ADAMTS16: variants seen among roughly 807,000 people sequenced by gnomAD.
ADAMTS16 encodes the protein A disintegrin and metalloproteinase with thrombospondin motifs 16.
Under a neutral mutation model 145.8 loss-of-function variants are expected in ADAMTS16, and 94 were observed. The ratio of observed to expected loss-of-function variants is 0.64; its 90% CI spans 0.55 to 0.77. ADAMTS16 has a LOEUF of 0.77. Among genes scored for constraint, ADAMTS16 ranks in the 30% least tolerant of loss-of-function variants. The pLI, the probability that ADAMTS16 is intolerant of heterozygous loss-of-function variation, is 0.00. For missense variants in ADAMTS16, 1,585 were observed against 1,591.5 expected, an observed-to-expected ratio of 1.00 and a Z score of 0.07; for synonymous variants, 659 against 604.3, an observed-to-expected ratio of 1.09 and a Z score of -1.33.
chr5:5,291,556 A>G (rs941646338), intron 18 of ADAMTS16, among the ~76,000 whole-genome samples: 2 of 152,168 alleles, frequency 1.3e-5, no homozygotes, highest in South Asian at 2.1e-4. Flanking sequence ...GAATGGAGAC[A>G]TTGGTGTCCC....
rs899063415 is a variant in ADAMTS16, at chr5:5,269,722, T to C, written c.2789+6939T>C. ...GGTTCCTGTTGTTTTTCTGGCTGGG[T>C]CTCCTCTGCCTCCACCTCTCTACGC... On this transcript the variant is annotated intron_variant, in intron 18 of 22. Coordinates refer to ENST00000274181, the MANE Select transcript of ADAMTS16 (RefSeq NM_139056.4). The surrounding 1 kb of genome is among the most constrained non-coding windows in gnomAD (Gnocchi z 4.3). 6.6e-6 allele frequency among the ~76,000 whole-genome samples: 1 copy of C among 152,122 alleles called. No homozygotes were observed. The highest frequency in any genetic ancestry group is 2.4e-5 in the African/African-American group (1 of 41,420).
intron 17 of ADAMTS16, among the ~76,000 whole-genome samples, chr5:5,247,365 G>A (rs908235335): frequency 2.7e-5 from 4 of 148,882 alleles, no homozygotes; most frequent in East Asian, 2.1e-4. Flanking sequence ...CCCGCCCCCC[G>A]ATCCCAACCC....
At position 5,235,248 on chromosome 5, in the gene ADAMTS16, A is replaced by C. The variant is rs1737068716; in HGVS notation, c.2023+62A>C. On this transcript the variant is annotated intron_variant, in intron 13 of 22. Transcript: ENST00000274181. ...CTTTACTACCTTTACTTTTTAAAGA[A>C]GTACATGATTGAGAGTGTGGTGCAC... 47 of 1,414,318 alleles carry C rather than the reference A, an allele frequency of 3.3e-5. 2 individuals carry two copies. The South Asian group carries it at 7.3e-4, about 22-fold the overall frequency. 87.6% of individuals were successfully genotyped at this position (1,414,318 alleles called of 1,614,324 possible). A position where few individuals can be genotyped will look rare whatever the true frequency, so the allele number is the denominator to read the frequency against.
chr5:5,151,363 C>T (rs868263117), intron 3 of ADAMTS16, among the ~76,000 whole-genome samples: 17 of 151,768 alleles, frequency 1.1e-4, no homozygotes, highest in African/African-American at 3.9e-4. Flanking sequence ...CTCAGCCTCC[C>T]GAGTACCTGG....
intron 9 of ADAMTS16, among the ~76,000 whole-genome samples, chr5:5,207,539 C>T (rs2126310543): frequency 6.6e-6 from 1 of 152,062 alleles, no homozygotes; most frequent in East Asian, 1.9e-4. Flanking sequence ...AATATTCTTG[C>T]TTTATTGCAC....
intron 3 of ADAMTS16, among the ~76,000 whole-genome samples, chr5:5,174,604 T>G (rs529950064): frequency 2.6e-4 from 39 of 152,342 alleles, no homozygotes; most frequent in African/African-American, 8.9e-4. Flanking sequence ...GAAACAATTT[T>G]CTAGATCTTG....
chr5:5,165,903 T>C (rs2126533765), intron 3 of ADAMTS16, among the ~76,000 whole-genome samples: 1 of 152,306 alleles, frequency 6.6e-6, no homozygotes, highest in African/African-American at 2.4e-5. Context: ...CGCCTGCCAG[T>C]GTGGCCGCCT....
At chr5:5,307,593 A>G (rs1740232062) in intron 21 of ADAMTS16, among the ~76,000 whole-genome samples, 1 of 152,186 alleles carries the variant, frequency 6.6e-6, no homozygotes, top group South Asian at 2.1e-4. Flanking sequence ...TGGGTGCCAC[A>G]GTGGAATGGA....
At chr5:5,301,070 TG>T (rs1472526363) in intron 18 of ADAMTS16, among the ~76,000 whole-genome samples, 1 of 152,192 alleles carries the variant, frequency 6.6e-6, no homozygotes, top group African/African-American at 2.4e-5. Context: ...ATTTATTTAT[TG>T]TATTGTATTC....
At chr5:5,226,951 A>T (rs771312733) in intron 11 of ADAMTS16, among the ~76,000 whole-genome samples, 32 of 152,316 alleles carry the variant, frequency 2.1e-4, no homozygotes, top group Middle Eastern at 3.4e-3. Context: ...TGCGTATCTG[A>T]TGGATTCTAG....
At chr5:5,202,638 T>C (rs770798308) in intron 9 of ADAMTS16, among the ~76,000 whole-genome samples, 8 of 152,220 alleles carry the variant, frequency 5.3e-5, no homozygotes, top group Non-Finnish European at 1.2e-4. Flanking sequence ...CAAGGAAAAT[T>C]CGGAGTTTTC....
At chr5:5,307,006 A>G (rs769519769) in intron 21 of ADAMTS16, among the ~76,000 whole-genome samples, 12 of 152,190 alleles carry the variant, frequency 7.9e-5, no homozygotes, top group Non-Finnish European at 1.8e-4. Flanking sequence ...TGCCTTGGGT[A>G]AAATCTGGGC....
chr5:5,311,502 C>T (rs957212369), intron 21 of ADAMTS16, among the ~76,000 whole-genome samples: 11 of 151,518 alleles, frequency 7.3e-5, no homozygotes, highest in Non-Finnish European at 1.5e-4. Flanking sequence ...GCTGGAGCTC[C>T]GGGTGTGCAT....
intron 3 of ADAMTS16, among the ~76,000 whole-genome samples, chr5:5,157,054 C>T (rs552270797): frequency 6.6e-6 from 1 of 152,160 alleles, no homozygotes; most frequent in East Asian, 1.9e-4. Flanking sequence ...AAAATAATAA[C>T]ATCCATCATT....
At chr5:5,209,034 G>C in intron 9 of ADAMTS16, 59 bp from the exon 10 acceptor site, 1 of 1,539,114 alleles carries the variant, frequency 6.5e-7, no homozygotes, top group South Asian at 1.3e-5. Context: ...ATAATTAGTT[G>C]TAAGTCCTTT....
At chr5:5,306,757 T>C (rs767847017) in intron 21 of ADAMTS16, 29 bp downstream of exon 21, 1 of 1,563,386 alleles carries the variant, frequency 6.4e-7, no homozygotes, top group African/African-American at 1.4e-5. Context: ...TCCTGGAGAG[T>C]GGGCGAGCAC....
chr5:5,234,236 TG>T (rs1387751415), intron 12 of ADAMTS16, among the ~76,000 whole-genome samples: 1 of 152,254 alleles, frequency 6.6e-6, no homozygotes, highest in Non-Finnish European at 1.5e-5. Flanking sequence ...CAAAGGTGAC[TG>T]GTTCTTTAGT....
intron 17 of ADAMTS16, among the ~76,000 whole-genome samples, chr5:5,260,604 G>T (rs1044467058): frequency 7.2e-5 from 11 of 152,304 alleles, no homozygotes; most frequent in Admixed American, 7.2e-4. Flanking sequence ...ATGCTCAAAG[G>T]GCTAAACCTC....
At chr5:5,163,217 C>T (rs981201656) in intron 3 of ADAMTS16, among the ~76,000 whole-genome samples, 7 of 152,170 alleles carry the variant, frequency 4.6e-5, no homozygotes, top group Non-Finnish European at 1.0e-4. Context: ...CAAGCATACA[C>T]ACTGCTATAC....
Sources: gnomAD v4.1 joint callset for allele counts (sites outside exome capture counted in the v4.1 genomes callset) on GRCh38, gnomAD v4.1.1 for gene constraint, Gnocchi (gnomAD v3.1) non-coding constraint, MANE v1.5 for transcripts, NCBI Gene and HGNC (gene_info 2026-07-23, HGNC 2026-07-21) for gene names.